The following LRP1B variants were observed in gnomAD, a reference collection of about 807,000 sequenced individuals.
The protein encoded by LRP1B is LDL receptor related protein 1B, also known as low-density lipoprotein receptor-related protein 1B.
Under a neutral mutation model 556.6 loss-of-function variants are expected in LRP1B, and 217 were observed. The ratio of observed to expected loss-of-function variants is 0.39; its 90% CI spans 0.35 to 0.44. The LOEUF (loss-of-function observed/expected upper bound fraction) is 0.44, where lower values mean the gene tolerates loss of function less well. LRP1B is among the 20% of genes least tolerant of loss of function. The pLI is 1.00. For synonymous variants in LRP1B, 2,047 were observed against 1,865.8 expected (o/e 1.10, Z -2.50); for missense variants, 5,053 against 5,620.8 (o/e 0.90, Z 3.23).
At chr2:141,641,194 G>T (rs2381158) in intron 2 of LRP1B, among the ~76,000 whole-genome samples, 90,624 of 151,682 alleles carry the variant, frequency 0.6, 27,268 homozygotes, top group African/African-American at 0.66. Context: ...GTATAGCTGG[G>T]TAGCTCAGTT....
At chr2:140,754,692 T>A (rs1688684839) in intron 35 of LRP1B, among the ~76,000 whole-genome samples, 1 of 151,032 alleles carries the variant, frequency 6.6e-6, no homozygotes, top group African/African-American at 2.4e-5. Context: ...TGGAGAAAAA[T>A]TTATAGCTGC....
At chr2:141,180,729 A>G (rs1040192990) in intron 7 of LRP1B, among the ~76,000 whole-genome samples, 2 of 151,878 alleles carry the variant, frequency 1.3e-5, no homozygotes, top group African/African-American at 4.8e-5. Flanking sequence ...CAAAACAAAA[A>G]CCCTATCATT....
Position 140,982,238 on chromosome 2 carries a change from C to T in LRP1B, c.2809G>A (p.Gly937Arg), listed in dbSNP as rs1401779524. The change falls in exon 18 of 91, where the codon GGG (glycine) becomes AGG (arginine). Residue 937 changes from glycine (G) to arginine (R), a missense_variant. Coordinates refer to ENST00000389484, the MANE Select transcript of LRP1B (RefSeq NM_018557.3). ...CQVDQFSCGN[G>R]RCIPRAWLCD... ...AGCCATGCTCTGGGAATGCAACGCC[C>T]ATTTCCGCAAGAAAACTGGTCTACC... 6.2e-7 allele frequency: 1 copy of T among 1,613,352 alleles called. No individual in the cohort carries two copies. The highest frequency in any genetic ancestry group is 2.2e-5 in the East Asian group (1 of 44,844).
At chr2:141,530,758 G>A (rs1684845745) in intron 2 of LRP1B, among the ~76,000 whole-genome samples, 1 of 152,014 alleles carries the variant, frequency 6.6e-6, no homozygotes, top group Non-Finnish European at 1.5e-5. Context: ...TCAGCTACAG[G>A]TAGCTGTGAA....
chr2:141,733,561 C>T (rs1693358761), intron 2 of LRP1B, among the ~76,000 whole-genome samples: 2 of 152,098 alleles, frequency 1.3e-5, no homozygotes, highest in South Asian at 4.1e-4. Context: ...TTTAATGTCT[C>T]CCCGCTGCCT....
chr2:141,177,409 G>A (rs1006851028), intron 7 of LRP1B, among the ~76,000 whole-genome samples: 1 of 152,056 alleles, frequency 6.6e-6, no homozygotes, highest in Non-Finnish European at 1.5e-5. Context: ...TCCATTAATA[G>A]TAAGGTGGCA....
intron 1 of LRP1B, among the ~76,000 whole-genome samples, chr2:141,955,116 G>C (rs111822542): frequency 3.9e-5 from 6 of 152,212 alleles, no homozygotes; most frequent in African/African-American, 1.2e-4. Context: ...TATTCACTCA[G>C]GTTGCCATAT....
chr2:141,394,460 T>A (rs553937531), intron 3 of LRP1B, among the ~76,000 whole-genome samples: 1 of 152,226 alleles, frequency 6.6e-6, no homozygotes, highest in South Asian at 2.1e-4. Flanking sequence ...TCATTTCAAC[T>A]GTTGAAATAT....
At chr2:141,148,184 G>C (rs757747722) in intron 7 of LRP1B, among the ~76,000 whole-genome samples, 4 of 152,148 alleles carry the variant, frequency 2.6e-5, no homozygotes, top group Non-Finnish European at 5.9e-5. Context: ...GGGCCTTGTG[G>C]TTTCAGAGAT....
intron 41 of LRP1B, among the ~76,000 whole-genome samples, chr2:140,660,017 CATT>C (rs1685033850): frequency 6.6e-6 from 1 of 151,810 alleles, no homozygotes; most frequent in African/African-American, 2.4e-5. Flanking sequence ...TATCACCAGC[CATT>C]ATTTAAATTA....
At chr2:141,440,346 C>A (rs1328339387) in intron 3 of LRP1B, among the ~76,000 whole-genome samples, 1 of 152,214 alleles carries the variant, frequency 6.6e-6, no homozygotes, top group Non-Finnish European at 1.5e-5. Context: ...GACCTGCCAG[C>A]GCTCATGTGG....
Position 141,619,183 on chromosome 2 carries a change from T to C in LRP1B, c.206-138650A>G, listed in dbSNP as rs191993388. The stretch of plus-strand genomic sequence containing the variant: ...GCTTTTCTTGAGCCTTTTTAGGGAA[T>C]TTCTGCTTTTTATAATCATAGGGCC... On this transcript the variant is annotated intron_variant, in intron 2 of 90. Coordinates refer to ENST00000389484, the MANE Select transcript of LRP1B (RefSeq NM_018557.3). Among the ~76,000 whole-genome samples, 3 of 152,276 alleles carry C rather than the reference T, an allele frequency of 2.0e-5. No individual in the cohort carries two copies. In the East Asian group the frequency reaches 5.8e-4, roughly 29 times the overall value.
At chr2:141,515,344 A>G (rs2200190) in intron 2 of LRP1B, among the ~76,000 whole-genome samples, 147,276 of 151,472 alleles carry the variant, frequency 0.97, 71,733 homozygotes, top group East Asian at 1. Context: ...CATGAAGGAC[A>G]TACTGTAAAC....
At chr2:141,461,958 C>T (rs1573970729) in intron 3 of LRP1B, among the ~76,000 whole-genome samples, 1 of 152,192 alleles carries the variant, frequency 6.6e-6, no homozygotes, top group Non-Finnish European at 1.5e-5. Context: ...AGATTAATCC[C>T]TGCATTCAAA....
At chr2:141,383,863 T>C (rs977648590) in intron 3 of LRP1B, among the ~76,000 whole-genome samples, 1 of 151,986 alleles carries the variant, frequency 6.6e-6, no homozygotes, top group African/African-American at 2.4e-5. Flanking sequence ...ATACAAGAAA[T>C]GGAGAGACAT....
intron 2 of LRP1B, among the ~76,000 whole-genome samples, chr2:141,557,752 A>G (rs1195132002): frequency 6.6e-6 from 1 of 151,912 alleles, no homozygotes; most frequent in Non-Finnish European, 1.5e-5. Context: ...ACTCTAGACT[A>G]AGAGTGTATA....
intron 57 of LRP1B, 128 bp downstream of exon 57, chr2:140,492,480 A>T (rs776406491): frequency 1.7e-4 from 110 of 630,492 alleles, no homozygotes; most frequent in Non-Finnish European, 2.8e-4. Flanking sequence ...AAATATTTTC[A>T]AAGAAAATAT....
At chr2:141,065,478 A>G (rs901651884) in intron 7 of LRP1B, among the ~76,000 whole-genome samples, 2 of 151,710 alleles carry the variant, frequency 1.3e-5, no homozygotes, top group African/African-American at 4.8e-5. Flanking sequence ...TTCTTGCTCA[A>G]CTCCTTTAAT....
At chr2:141,978,989 C>T (rs1396487737) in intron 1 of LRP1B, among the ~76,000 whole-genome samples, 1 of 151,288 alleles carries the variant, frequency 6.6e-6, no homozygotes, top group Admixed American at 6.6e-5. Flanking sequence ...TGAAATTAAA[C>T]AGGTAAGTCT....
Sources: allele counts gnomAD v4.1 joint callset (sites outside exome capture counted in the v4.1 genomes callset), GRCh38; gene constraint gnomAD v4.1.1; transcripts MANE v1.5; gene names NCBI Gene and HGNC (gene_info 2026-07-23, HGNC 2026-07-21).